DIS3L2: variants seen among roughly 807,000 people sequenced by gnomAD.
DIS3L2 encodes the protein DIS3 like 3'-5' exoribonuclease 2.
DIS3L2 carries 34 observed loss-of-function variants against 97.5 expected under a neutral mutation model. The observed-to-expected ratio is 0.35, with a 90% CI of 0.27 to 0.46. The LOEUF is 0.46. Among genes scored for constraint, DIS3L2 ranks in the 20% least tolerant of loss-of-function variants. DIS3L2 has a pLI of 1.00. For missense variants in DIS3L2, 1,038 were observed against 1,146.0 expected (o/e 0.91, Z 1.36); for synonymous variants, 435 against 445.2 (o/e 0.98, Z 0.29).
intron 11 of DIS3L2, among the ~76,000 whole-genome samples, chr2:232,241,557 A>G (rs377056340): frequency 3.9e-5 from 6 of 152,276 alleles, no homozygotes; most frequent in South Asian, 2.1e-4. Context: ...TTTTGCTCAC[A>G]GTAATAAGTA....
At chr2:232,207,987 T>C (rs547751856) in intron 9 of DIS3L2, among the ~76,000 whole-genome samples, 28 of 151,800 alleles carry the variant, frequency 1.8e-4, no homozygotes, top group Admixed American at 4.6e-4. Flanking sequence ...GGGAAAAAAA[T>C]TAATCCATAA....
chr2:232,134,200 CAAG>C (rs1390514308), intron 7 of DIS3L2, among the ~76,000 whole-genome samples: 1 of 151,734 alleles, frequency 6.6e-6, no homozygotes, highest in East Asian at 1.9e-4. Context: ...AGTTGTGGGA[CAAG>C]AAGAAGATTG....
At chr2:232,175,152 G>C (rs1009058002) in intron 9 of DIS3L2, among the ~76,000 whole-genome samples, 6 of 152,060 alleles carry the variant, frequency 3.9e-5, no homozygotes, top group African/African-American at 1.2e-4. Context: ...TAATTGTAAT[G>C]TAAGCTTTGG....
intron 8 of DIS3L2, among the ~76,000 whole-genome samples, chr2:232,140,011 G>A (rs574140648): frequency 2.0e-5 from 3 of 152,238 alleles, no homozygotes; most frequent in Admixed American, 2.0e-4. Context: ...GATGCTGATG[G>A]CATTTAACCA....
intron 10 of DIS3L2, among the ~76,000 whole-genome samples, chr2:232,229,602 C>G (rs2106242560): frequency 6.6e-6 from 1 of 152,344 alleles, no homozygotes; most frequent in South Asian, 2.1e-4. Context: ...AAGGCCATTG[C>G]TCAAGTCATT....
chr2:232,188,229 A>G lies in DIS3L2; in HGVS notation c.1125-22097A>G, dbSNP rs1691502084. On this transcript the variant is annotated intron_variant, in intron 9 of 20. Coordinates refer to ENST00000325385, the MANE Select transcript of DIS3L2 (RefSeq NM_152383.5). ...TTTCCCCTCTGTGCAGAGAAGGGAA[A>G]ACATGGAATGATTGCCATGGGTATG... Among the ~76,000 whole-genome samples the G allele has an allele frequency of 2.6e-5, 4 of 152,358 alleles. No homozygotes were observed. The South Asian group carries it at 8.3e-4, about 32-fold the overall frequency.
intron 5 of DIS3L2, among the ~76,000 whole-genome samples, chr2:232,082,884 G>A (rs1696446372): frequency 6.6e-6 from 1 of 152,182 alleles, no homozygotes; most frequent in South Asian, 2.1e-4. Context: ...ACAAAAGAAA[G>A]AGGTTAATGG....
At chr2:232,031,368 A>G (rs1694799497) in intron 5 of DIS3L2, among the ~76,000 whole-genome samples, 1 of 152,078 alleles carries the variant, frequency 6.6e-6, no homozygotes, top group Non-Finnish European at 1.5e-5. Flanking sequence ...AATGAGTAGT[A>G]TTGACATAGT....
chr2:232,309,520 T>G (rs1409823328), intron 14 of DIS3L2, among the ~76,000 whole-genome samples: 1 of 151,842 alleles, frequency 6.6e-6, no homozygotes, highest in East Asian at 1.9e-4. Flanking sequence ...TTGTTTAGTT[T>G]TGTTTTTTTG....
chr2:232,242,547 C>G (rs905175910), intron 11 of DIS3L2, among the ~76,000 whole-genome samples: 1 of 152,178 alleles, frequency 6.6e-6, no homozygotes. Context: ...TTGTGTTGGT[C>G]ACAGGGCTGT....
chr2:232,055,414 T>A (rs140626202), intron 5 of DIS3L2, among the ~76,000 whole-genome samples: 50 of 152,344 alleles, frequency 3.3e-4, no homozygotes, highest in African/African-American at 1.2e-3. Context: ...GTTACCCTTA[T>A]GTTAGCATGT....
At chr2:232,226,900 G>A (rs1047499664) in intron 10 of DIS3L2, among the ~76,000 whole-genome samples, 1 of 152,132 alleles carries the variant, frequency 6.6e-6, no homozygotes, top group Non-Finnish European at 1.5e-5. Flanking sequence ...GCCTGAGGAG[G>A]TGGAAGCTGC....
chr2:232,339,883 AG>A (rs1289003841), downstream of DIS3L2, among the ~76,000 whole-genome samples: 1 of 152,138 alleles, frequency 6.6e-6, no homozygotes, highest in Non-Finnish European at 1.5e-5. Context: ...AGGACCTGGG[AG>A]GAAGTGGATT....
intron 17 of DIS3L2, 29 bp downstream of exon 17, chr2:232,334,016 AC>A (rs1695856466): frequency 6.3e-7 from 1 of 1,592,000 alleles, no homozygotes; most frequent in Non-Finnish European, 8.5e-7. Flanking sequence ...GTCAGGGCAG[AC>A]CTGGGCCAGC....
At chr2:232,020,093 T>C (rs1038279964) in intron 3 of DIS3L2, among the ~76,000 whole-genome samples, 18 of 151,934 alleles carry the variant, frequency 1.2e-4, no homozygotes, top group African/African-American at 4.1e-4. Flanking sequence ...AGGAAGCCTG[T>C]TGGAACATTG....
Position 232,242,317 on chromosome 2 carries a change from G to A in DIS3L2, c.1317+3672G>A, listed in dbSNP as rs952897048. Among the ~76,000 whole-genome samples the A allele has an allele frequency of 1.2e-4, 18 of 152,200 alleles. 1 individual carries two copies. The highest frequency in any genetic ancestry group is 1.0e-4 in the Non-Finnish European group (7 of 68,036). On this transcript the variant is annotated intron_variant, in intron 11 of 20. Coordinates refer to ENST00000325385, the MANE Select transcript of DIS3L2 (RefSeq NM_152383.5). Reference sequence around the variant, plus strand: ...CACCAATTCTCAGACTGCAGATATGGGCTGCGATGGCCAATGGGTTATCGC... The same window carrying A: ...CACCAATTCTCAGACTGCAGATATGAGCTGCGATGGCCAATGGGTTATCGC...
intron 14 of DIS3L2, among the ~76,000 whole-genome samples, chr2:232,324,352 T>C (rs1373676508): frequency 1.3e-5 from 2 of 152,152 alleles, no homozygotes; most frequent in African/African-American, 4.8e-5. Context: ...TTGAACAAGC[T>C]CTGTGAGTGG....
chr2:232,103,751 A>T (rs923132449), intron 6 of DIS3L2, among the ~76,000 whole-genome samples: 1 of 152,194 alleles, frequency 6.6e-6, no homozygotes, highest in African/African-American at 2.4e-5. Flanking sequence ...ATTCTCAATG[A>T]TTGAAGCAAT....
At chr2:232,076,121 A>G (rs757807576) in intron 5 of DIS3L2, among the ~76,000 whole-genome samples, 4 of 152,204 alleles carry the variant, frequency 2.6e-5, no homozygotes, top group Admixed American at 6.5e-5. Flanking sequence ...GTTGGCATTT[A>G]GGGCTCTTGA....
Sources: allele counts gnomAD v4.1 joint callset (sites outside exome capture counted in the v4.1 genomes callset), GRCh38; gene constraint gnomAD v4.1.1; transcripts MANE v1.5; gene names NCBI Gene and HGNC (gene_info 2026-07-23, HGNC 2026-07-21).